WNK1: variants seen among roughly 807,000 people sequenced by gnomAD.
WNK1 encodes WNK lysine deficient protein kinase 1, also known as serine/threonine-protein kinase WNK1.
Under a neutral mutation model 222.8 loss-of-function variants are expected in WNK1, and 38 were observed. The observed-to-expected ratio is 0.17, with a 90% confidence interval of 0.13 to 0.22. The LOEUF (loss-of-function observed/expected upper bound fraction) is 0.22. WNK1 is among the 10% of genes least tolerant of loss of function. WNK1 has a pLI of 1.00. For synonymous variants in WNK1, 1,090 were observed against 1,092.9 expected (o/e 1.00, Z 0.05); for missense variants, 2,348 against 2,918.4 (o/e 0.80, Z 4.50).
rs750209111 is a variant in WNK1 at position 897,544 on chromosome 12, A to G, written c.6311A>G (p.Lys2104Arg). 2 of 1,613,894 alleles carry G rather than the reference A, an allele frequency of 1.2e-6. No individual in the cohort carries two copies. The highest frequency in any genetic ancestry group is 1.7e-5 in the Admixed American group (1 of 60,028). Residue 2104 changes from lysine to arginine, a missense_variant, in exon 25 of 28, where the codon AAA (lysine) becomes AGA (arginine). Lys to Arg is a conservative substitution (Grantham distance 26). Transcript: ENST00000315939. ...CATGAAATTGAATCTTTGTATACCA[A>G]ACTGGGCAAGGTGCCCCCTGCTGTT... ...QKHEIESLYT[K>R]LGKVPPAVII...
At chr12:857,032 TC>T in intron 4 of WNK1, 128 bp from the exon 5 acceptor site, 1 of 886,916 alleles carries the variant, frequency 1.1e-6, no homozygotes, top group Non-Finnish European at 1.8e-6. Context: ...ATGGACCAAC[TC>T]CTGCAGGCGA....
At chr12:806,408 C>T (rs1182050571) in intron 1 of WNK1, among the ~76,000 whole-genome samples, 1 of 152,158 alleles carries the variant, frequency 6.6e-6, no homozygotes, top group Non-Finnish European at 1.5e-5. Context: ...TAAGAAATCC[C>T]TTCCTTGGAG....
intron 1 of WNK1, among the ~76,000 whole-genome samples, chr12:765,542 C>G (rs938187848): frequency 8.2e-6 from 1 of 121,992 alleles, no homozygotes; most frequent in Non-Finnish European, 2.0e-5. Context: ...AGCTATGACC[C>G]TGTCTCAAAA....
chr12:850,073 G>C (rs912732562), intron 4 of WNK1, among the ~76,000 whole-genome samples: 1 of 152,022 alleles, frequency 6.6e-6, no homozygotes, highest in African/African-American at 2.4e-5. Flanking sequence ...AATCCTTTGG[G>C]TATATACCCA....
chr12:895,518 G>C (rs187800476), intron 23 of WNK1, among the ~76,000 whole-genome samples: 127 of 152,150 alleles, frequency 8.3e-4, no homozygotes, highest in Admixed American at 2.9e-3. Context: ...GAATGCAGTG[G>C]CATGATCTCA....
chr12:901,029 A>T, intron 26 of WNK1: 1 of 346,462 alleles, frequency 2.9e-6, no homozygotes, highest in Non-Finnish European at 5.6e-6. Context: ...TTTCTTAGCC[A>T]TTGTAGAATT....
At position 908,840 on chromosome 12, in the gene WNK1, T is replaced by TGGG; in HGVS notation, c.*49_*50insGGG. 3.2e-6 allele frequency: 1 copy of TGGG among 314,300 alleles called. No homozygotes were observed. The highest frequency in any genetic ancestry group is 6.0e-6 in the Non-Finnish European group (1 of 166,048). The allele number at this position is 314,300 out of a possible 1,614,324, so 19.5% of individuals were successfully genotyped here. On this transcript the variant is annotated 3_prime_UTR_variant, in exon 28 of 28. Coordinates refer to ENST00000315939, the MANE Select transcript of WNK1 (RefSeq NM_018979.4). ...GATCTGGGGGCAGGAGATGGAATGC[T>TGGG]GAGGGGGTGGGTGGGGGTGGGAAGT... is the stretch of plus-strand genomic sequence containing the variant.
At chr12:883,909 T>C in intron 17 of WNK1, 78 bp downstream of exon 17, 1 of 1,567,978 alleles carries the variant, frequency 6.4e-7, no homozygotes, top group Non-Finnish European at 8.7e-7. Flanking sequence ...GCTTCTGTAG[T>C]CCCAGCTACT....
intron 1 of WNK1, among the ~76,000 whole-genome samples, chr12:792,575 A>G (rs1053051745): frequency 5.9e-5 from 9 of 151,996 alleles, no homozygotes; most frequent in African/African-American, 1.7e-4. Flanking sequence ...CAGCCTCCCA[A>G]AGTGCTGGGA....
intron 5 of WNK1, among the ~76,000 whole-genome samples, chr12:858,711 T>C (rs537652890): frequency 6.6e-6 from 1 of 152,264 alleles, no homozygotes; most frequent in Non-Finnish European, 1.5e-5. Context: ...ATTTACAGCT[T>C]TTATAACTGT....
intron 8 of WNK1, chr12:868,463 A>C: frequency 6.2e-7 from 1 of 1,613,966 alleles, no homozygotes; most frequent in Non-Finnish European, 8.5e-7. Context: ...ACACCTTCAG[A>C]ATCTAAGATT....
At chr12:883,955 G>A (rs536870958) in intron 17 of WNK1, 124 bp downstream of exon 17, 1 of 1,483,128 alleles carries the variant, frequency 6.7e-7, no homozygotes, top group African/African-American at 1.4e-5. Flanking sequence ...TTGAACCCAG[G>A]AGGCGGAGGT....
chr12:874,169 A>T (rs975003850), intron 9 of WNK1, among the ~76,000 whole-genome samples: 8 of 151,730 alleles, frequency 5.3e-5, no homozygotes, highest in African/African-American at 1.9e-4. Flanking sequence ...AAAAAAAAGC[A>T]CCGAAGTTGT....
At chr12:891,269 T>TGC (rs1425853183) in intron 22 of WNK1, among the ~76,000 whole-genome samples, 1 of 152,070 alleles carries the variant, frequency 6.6e-6, no homozygotes, top group Non-Finnish European at 1.5e-5. Context: ...CTCCCAAGTA[T>TGC]CTGGGATTAC....
chr12:867,101 A>C (rs1951739133), intron 8 of WNK1, among the ~76,000 whole-genome samples: 1 of 152,188 alleles, frequency 6.6e-6, no homozygotes. Flanking sequence ...AGCCTGGGCG[A>C]AAGAGGAAGA....
In WNK1 at chr12:879,911, T is replaced by C. The variant is rs1437748990; in HGVS notation, c.2712T>C (p.Thr904=). 10 of 1,614,104 alleles carry C rather than the reference T, an allele frequency of 6.2e-6. No homozygotes were observed. The highest frequency in any genetic ancestry group is 1.6e-4 in the Middle Eastern group (1 of 6,062). ...SQLPTLLQPV[T]QLPSQVHPQL... ...TTCCAACCCTTCTGCAGCCTGTGAC[T>C]CAGCTGCCAAGTCAGGTTCACCCAC... is the stretch of plus-strand genomic sequence containing the variant. Residue 904 remains threonine (T), a synonymous_variant, in exon 11 of 28, where the codon ACT becomes ACC. Transcript: ENST00000315939.
At chr12:762,707 C>T (rs1941189475) in intron 1 of WNK1, among the ~76,000 whole-genome samples, 1 of 147,166 alleles carries the variant, frequency 6.8e-6, no homozygotes, top group Admixed American at 6.7e-5. Context: ...CAGTAGTCCC[C>T]ACTCTTCTTC....
At chr12:764,134 G>A (rs1277976096) in intron 1 of WNK1, among the ~76,000 whole-genome samples, 1 of 147,186 alleles carries the variant, frequency 6.8e-6, no homozygotes, top group Non-Finnish European at 1.5e-5. Context: ...CTAGGGAGAG[G>A]ATATGAAGAG....
Position 753,947 on chromosome 12 carries a change from A to G in WNK1, c.382A>G (p.Thr128Ala). 6.3e-7 allele frequency: 1 copy of G among 1,596,630 alleles called. No homozygotes were observed. The highest frequency in any genetic ancestry group is 8.5e-7 in the Non-Finnish European group (1 of 1,171,076). Residue 128 changes from threonine to alanine, a missense_variant, in exon 1 of 28, where the codon ACC becomes GCC. Thr to Ala is a moderately conservative substitution (Grantham distance 58, BLOSUM62 0). Transcript: ENST00000315939. The surrounding 1 kb of genome is among the most constrained non-coding windows in gnomAD (Gnocchi z 5.2). Reference protein sequence around the residue: ...EPHREETVTATATSQVAQQPP... With the variant: ...EPHREETVTAAATSQVAQQPP... ...CCACCGGGAAGAGACCGTGACCGCC[A>G]CCGCCACTTCCCAGGTAGCCCAGCA... is the stretch of plus-strand genomic sequence containing the variant.
Sources: gnomAD v4.1 joint callset for allele counts (sites outside exome capture counted in the v4.1 genomes callset) on GRCh38, gnomAD v4.1.1 for gene constraint, Gnocchi (gnomAD v3.1) non-coding constraint, MANE v1.5 for transcripts, NCBI Gene and HGNC (gene_info 2026-07-23, HGNC 2026-07-21) for gene names.